The following SLC24A3 variants were observed in gnomAD, a reference collection of about 807,000 sequenced individuals.
SLC24A3 encodes solute carrier family 24 member 3.
Under a neutral mutation model 75.8 loss-of-function variants are expected in SLC24A3, and 28 were observed. The ratio of observed to expected loss-of-function variants is 0.37; its 90% CI spans 0.27 to 0.51. The LOEUF (loss-of-function observed/expected upper bound fraction) is 0.51, where lower values mean the gene tolerates loss of function less well. SLC24A3 is among the 20% of genes least tolerant of loss of function. The pLI, the probability that SLC24A3 is intolerant of heterozygous loss-of-function variation, is 0.94. For synonymous variants in SLC24A3, 372 were observed against 334.1 expected (o/e 1.11, Z -1.24); for missense variants, 663 against 847.8 (o/e 0.78, Z 2.71).
In SLC24A3 at chr20:19,681,961, T is replaced by G; in HGVS notation, c.871T>G (p.Cys291Gly). Residue 291 changes from cysteine (C) to glycine (G), a missense_variant, in exon 10 of 17, where the codon TGC (cysteine) becomes GGC (glycine). By Grantham distance (159) the Cys-to-Gly change is radical. Transcript: ENST00000328041. ...TGCTGAAATTGATGACAGCAGCAAC[T>G]GCGACGCAACTGTGGTGCTACTTAA... Reference protein sequence around the residue: ...NNAEIDDSSNCDATVVLLKKA... With the variant: ...NNAEIDDSSNGDATVVLLKKA... 6.2e-7 allele frequency: 1 copy of G among 1,614,164 alleles called. No individual in the cohort carries two copies.
At chr20:19,692,455 T>G (rs902140573) in intron 12 of SLC24A3, among the ~76,000 whole-genome samples, 1 of 152,140 alleles carries the variant, frequency 6.6e-6, no homozygotes, top group African/African-American at 2.4e-5. Context: ...TTAAAAGGAA[T>G]GGATCACGCA....
intron 7 of SLC24A3, among the ~76,000 whole-genome samples, chr20:19,662,143 G>A (rs2032333599): frequency 2.0e-5 from 3 of 152,222 alleles, no homozygotes; most frequent in African/African-American, 4.8e-5. Context: ...CTGACCAGCT[G>A]GTGCTCAGCA....
rs772750052 is a variant in SLC24A3 at position 19,585,541 on chromosome 20, G to A, written c.609G>A (p.Gly203=). ...CIIGVCGLFA[G]QVVALSSWCL... ...TTGGTGTCTGTGGGCTCTTTGCTGG[G>A]CAGGTAAGACTGGCGGCTTCTTTGT... The change falls in exon 6 of 17, where the codon GGG becomes GGA. Residue 203 remains glycine (G), a synonymous_variant. Transcript: ENST00000328041. 3 of 1,613,972 alleles carry A rather than the reference G, an allele frequency of 1.9e-6. No individual in the cohort carries two copies. Among genetic ancestry groups the A allele is most frequent in the South Asian group, 2.2e-5 (2 of 91,036 alleles).
In SLC24A3 at chr20:19,685,132, C is replaced by T. The variant is rs974472765; in HGVS notation, c.1095C>T (p.Thr365=). The T allele has an allele frequency of 6.2e-7, 1 of 1,613,252 alleles. No homozygotes were observed. The highest frequency in any genetic ancestry group is 1.7e-5 in the Admixed American group (1 of 59,978). Residue 365 remains threonine (T), a synonymous_variant, in exon 12 of 17, where the codon ACC becomes ACT. Coordinates refer to ENST00000328041, the MANE Select transcript of SLC24A3 (RefSeq NM_020689.4). ...GATTGATAAACAGCAGGGCTTATAC[C>T]AACGGGGAATCTGAGGTGGCCATCA... ...RQRLINSRAY[T]NGESEVAIKI...
chr20:19,279,130 A>T (rs1983579724), intron 1 of SLC24A3, among the ~76,000 whole-genome samples: 2 of 152,230 alleles, frequency 1.3e-5, no homozygotes, highest in Non-Finnish European at 2.9e-5. Flanking sequence ...AGGAGAAATC[A>T]TTTGGGAAAC....
intron 2 of SLC24A3, among the ~76,000 whole-genome samples, chr20:19,418,644 G>T (rs975921669): frequency 4.6e-5 from 7 of 151,510 alleles, no homozygotes; most frequent in African/African-American, 1.7e-4. Context: ...CTCATTGAGT[G>T]CCCATCACCA....
intron 3 of SLC24A3, among the ~76,000 whole-genome samples, chr20:19,579,643 GA>G (rs1258338111): frequency 6.6e-6 from 1 of 152,222 alleles, no homozygotes; most frequent in Non-Finnish European, 1.5e-5. Flanking sequence ...GGGAGCGGGG[GA>G]AAGAGGTTGC....
At chr20:19,586,925 T>C (rs2031305368) in intron 6 of SLC24A3, among the ~76,000 whole-genome samples, 1 of 152,350 alleles carries the variant, frequency 6.6e-6, no homozygotes, top group South Asian at 2.1e-4. Context: ...ACCCACAATA[T>C]GTGCTTTTTA....
At position 19,686,679 on chromosome 20, in the gene SLC24A3, C is replaced by T. The variant is rs73285731; in HGVS notation, c.1324+1318C>T. 8.5e-3 allele frequency among the ~76,000 whole-genome samples: 1,295 copies of T among 152,272 alleles called. 21 individuals are homozygous for T. Among genetic ancestry groups the T allele is most frequent in the African/African-American group, 0.029 (1,202 of 41,536 alleles). On this transcript the variant is annotated intron_variant, in intron 12 of 16. Coordinates refer to ENST00000328041, the MANE Select transcript of SLC24A3 (RefSeq NM_020689.4). ...GGATGCGCAGGGTCTTGCTGTGCTCCAGGGGAGCTCCTTTCTGTCCAGAGG... is the reference window on the plus strand; with the variant it reads ...GGATGCGCAGGGTCTTGCTGTGCTCTAGGGGAGCTCCTTTCTGTCCAGAGG...
chr20:19,700,281 A>G (rs1259965242), intron 15 of SLC24A3, among the ~76,000 whole-genome samples: 1 of 152,176 alleles, frequency 6.6e-6, no homozygotes, highest in Non-Finnish European at 1.5e-5. Flanking sequence ...GTCTCTTCCA[A>G]GCAGAAACTC....
chr20:19,331,864 G>A (rs982505579), intron 2 of SLC24A3, among the ~76,000 whole-genome samples: 3 of 152,202 alleles, frequency 2.0e-5, no homozygotes, highest in East Asian at 1.9e-4. Context: ...GGAATAGGTC[G>A]TGATGGGGGT....
intron 1 of SLC24A3, chr20:19,242,555 C>G (rs1400687291): frequency 6.6e-6 from 1 of 152,196 alleles, no homozygotes; most frequent in Non-Finnish European, 1.5e-5. Context: ...TCTCTAAATT[C>G]ACGGGGCAAG....
intron 2 of SLC24A3, among the ~76,000 whole-genome samples, chr20:19,465,248 G>A (rs1170510419): frequency 6.6e-6 from 1 of 152,186 alleles, no homozygotes; most frequent in East Asian, 1.9e-4. Context: ...CAAGTTGGGA[G>A]GGTGGAGAAC....
intron 2 of SLC24A3, among the ~76,000 whole-genome samples, chr20:19,312,078 G>A (rs745704407): frequency 3.9e-5 from 6 of 152,180 alleles, no homozygotes; most frequent in Non-Finnish European, 5.9e-5. Context: ...CTGCCCGGAT[G>A]GAAAATTGCC....
chr20:19,407,937 G>C (rs140105364), intron 2 of SLC24A3, among the ~76,000 whole-genome samples: 1 of 152,308 alleles, frequency 6.6e-6, no homozygotes, highest in African/African-American at 2.4e-5. Flanking sequence ...CAGTTCTAAG[G>C]AAACCTTGTG....
At chr20:19,486,428 T>G (rs1418940714) in intron 2 of SLC24A3, among the ~76,000 whole-genome samples, 1 of 152,154 alleles carries the variant, frequency 6.6e-6, no homozygotes, top group Non-Finnish European at 1.5e-5. Flanking sequence ...GTGGTGAATT[T>G]TATTGAATGT....
chr20:19,468,463 G>A (rs759287009), intron 2 of SLC24A3, among the ~76,000 whole-genome samples: 1 of 151,948 alleles, frequency 6.6e-6, no homozygotes, highest in Non-Finnish European at 1.5e-5. Context: ...AGAGAGTATG[G>A]GTATAGAGAC....
intron 6 of SLC24A3, among the ~76,000 whole-genome samples, chr20:19,636,796 A>T (rs895972716): frequency 6.6e-6 from 1 of 152,178 alleles, no homozygotes; most frequent in Non-Finnish European, 1.5e-5. Flanking sequence ...GCATCTAAGG[A>T]TCCTTCCCAA....
chr20:19,692,812 T>G (rs977943842), intron 12 of SLC24A3, among the ~76,000 whole-genome samples: 3 of 152,162 alleles, frequency 2.0e-5, no homozygotes, highest in Admixed American at 1.3e-4. Context: ...TGGCGCTGCG[T>G]CCGCTGACGC....
Sources: gnomAD v4.1 joint callset for allele counts (sites outside exome capture counted in the v4.1 genomes callset) on GRCh38, gnomAD v4.1.1 for gene constraint, MANE v1.5 for transcripts, NCBI Gene and HGNC (gene_info 2026-07-23, HGNC 2026-07-21) for gene names.